AFF1: variants seen among roughly 807,000 people sequenced by gnomAD.
The protein encoded by AFF1 is ALF transcription elongation factor 1.
Under a neutral mutation model 121.7 loss-of-function variants are expected in AFF1, and 48 were observed. That is an observed-to-expected ratio of 0.39 (90% CI 0.31 to 0.50). AFF1 has a LOEUF of 0.50. Among genes scored for constraint, AFF1 ranks in the 20% least tolerant of loss-of-function variants. The pLI is 0.76. For missense variants in AFF1, 1,523 were observed against 1,511.7 expected (o/e 1.01, Z -0.12); for synonymous variants, 613 against 563.0 (o/e 1.09, Z -1.26).
At chr4:86,952,552 G>A (rs939728517) in intron 2 of AFF1, among the ~76,000 whole-genome samples, 16 of 152,058 alleles carry the variant, frequency 1.1e-4, no homozygotes, top group African/African-American at 3.6e-4. Context: ...ACCACAGCAT[G>A]TGTATACAAC....
intron 2 of AFF1, among the ~76,000 whole-genome samples, chr4:87,040,154 CA>C (rs1729992136): frequency 1.3e-5 from 2 of 152,300 alleles, no homozygotes; most frequent in East Asian, 3.9e-4. Flanking sequence ...CTCGGCCTCC[CA>C]AAGTGCTGGG....
intron 2 of AFF1, among the ~76,000 whole-genome samples, chr4:87,044,837 A>G (rs1202348121): frequency 6.6e-6 from 1 of 152,210 alleles, no homozygotes; most frequent in African/African-American, 2.4e-5. Context: ...AGTAGAATGC[A>G]TGTGACAGGC....
chr4:87,100,062 G>C (rs1272995711), intron 8 of AFF1, among the ~76,000 whole-genome samples: 1 of 152,082 alleles, frequency 6.6e-6, no homozygotes, highest in Non-Finnish European at 1.5e-5. Flanking sequence ...ACCTGGATTT[G>C]GGGAGCCCTT....
intron 6 of AFF1, among the ~76,000 whole-genome samples, chr4:87,091,066 A>G (rs372741453): frequency 7.3e-5 from 11 of 151,606 alleles, no homozygotes; most frequent in African/African-American, 1.9e-4. Flanking sequence ...CAAAAACTCA[A>G]ATTTGCTACT....
intron 8 of AFF1, among the ~76,000 whole-genome samples, chr4:87,095,293 A>G (rs1724722229): frequency 6.6e-6 from 1 of 152,018 alleles, no homozygotes; most frequent in Non-Finnish European, 1.5e-5. Context: ...TAATTTTTGT[A>G]TTTTTAGTGT....
chr4:87,132,995 C>G (rs1221108734), intron 19 of AFF1, among the ~76,000 whole-genome samples: 3 of 152,184 alleles, frequency 2.0e-5, no homozygotes, highest in African/African-American at 4.8e-5. Flanking sequence ...CGCACCTGGC[C>G]GAGCTTTGAG....
intron 4 of AFF1, among the ~76,000 whole-genome samples, chr4:87,052,172 C>T (rs1405502403): frequency 7.2e-5 from 11 of 152,106 alleles, no homozygotes; most frequent in Admixed American, 7.2e-4. Flanking sequence ...CATTGGGAGG[C>T]CGAGGTGGGA....
intron 2 of AFF1, among the ~76,000 whole-genome samples, chr4:86,957,010 T>C (rs1721790115): frequency 6.6e-6 from 1 of 152,206 alleles, no homozygotes; most frequent in South Asian, 2.1e-4. Context: ...GCATGTACTT[T>C]TTCTCTGTCT....
chr4:87,080,774 C>T (rs1466642632), intron 4 of AFF1, among the ~76,000 whole-genome samples: 1 of 152,212 alleles, frequency 6.6e-6, no homozygotes, highest in Non-Finnish European at 1.5e-5. Context: ...TGAGACGAGG[C>T]AGCCTGTCCT....
At chr4:87,100,320 C>A (rs990156574) in intron 8 of AFF1, among the ~76,000 whole-genome samples, 1 of 152,106 alleles carries the variant, frequency 6.6e-6, no homozygotes, top group Non-Finnish European at 1.5e-5. Flanking sequence ...CCTCCAAGAA[C>A]CTCCATAACC....
Position 87,139,637 on chromosome 4 carries a change from T to TA in AFF1, c.*3936_*3937insA, listed in dbSNP as rs1389316029. ...AGTACCTTTTTTCCCCTCCTGTTCT[T>TA]GAGCCAGTTGTCTCTTTTGTTTTGG... On this transcript the variant is annotated 3_prime_UTR_variant, in exon 21 of 21. Coordinates refer to ENST00000395146, the MANE Select transcript of AFF1 (RefSeq NM_001166693.3). 4.4e-6 allele frequency: 1 copy of TA among 229,376 alleles called. No homozygotes were observed. The highest frequency in any genetic ancestry group is 8.6e-6 in the Non-Finnish European group (1 of 115,652). 14.2% of individuals were successfully genotyped at this position (229,376 alleles called of 1,614,324 possible). A position where few individuals can be genotyped will look rare whatever the true frequency, so the allele number is the denominator to read the frequency against.
At chr4:87,030,464 A>G (rs997825478) in intron 2 of AFF1, among the ~76,000 whole-genome samples, 1 of 152,208 alleles carries the variant, frequency 6.6e-6, no homozygotes, top group Non-Finnish European at 1.5e-5. Flanking sequence ...TAAAGTTGAA[A>G]TTTAAAGATT....
At chr4:87,092,166 C>G (rs371827961) in intron 7 of AFF1, among the ~76,000 whole-genome samples, 1 of 152,018 alleles carries the variant, frequency 6.6e-6, no homozygotes, top group East Asian at 1.9e-4. Flanking sequence ...GCCTGTGGTC[C>G]CAGCTACTTG....
chr4:87,055,805 C>T (rs2149637611), intron 4 of AFF1, among the ~76,000 whole-genome samples: 1 of 152,280 alleles, frequency 6.6e-6, no homozygotes, highest in Admixed American at 6.5e-5. Flanking sequence ...AGAGAGGATC[C>T]TGGTTCATGT....
At chr4:87,091,129 G>T (rs923325657) in intron 6 of AFF1, among the ~76,000 whole-genome samples, 1 of 151,936 alleles carries the variant, frequency 6.6e-6, no homozygotes, top group Non-Finnish European at 1.5e-5. Context: ...CATGGACCGG[G>T]CATGGTGGCT....
intron 2 of AFF1, among the ~76,000 whole-genome samples, chr4:87,041,440 G>T (rs1267479318): frequency 6.6e-6 from 1 of 152,148 alleles, no homozygotes. Flanking sequence ...TACAAGCCTT[G>T]GGGCCCATGT....
At chr4:87,019,892 G>GGGGT (rs1553918056) in intron 2 of AFF1, among the ~76,000 whole-genome samples, 5 of 142,058 alleles carry the variant, frequency 3.5e-5, no homozygotes, top group African/African-American at 1.3e-4. Context: ...GTCGGGGGGG[G>GGGGT]GCAGTCTTGG....
chr4:86,960,195 G>T (rs1722047676), intron 2 of AFF1, among the ~76,000 whole-genome samples: 3 of 152,186 alleles, frequency 2.0e-5, no homozygotes, highest in East Asian at 1.9e-4. Context: ...CACTGGAAAA[G>T]ATCTTTCTTT....
chr4:87,070,420 A>T (rs1304070963), intron 4 of AFF1, among the ~76,000 whole-genome samples: 1 of 152,260 alleles, frequency 6.6e-6, no homozygotes, highest in Non-Finnish European at 1.5e-5. Flanking sequence ...TACAGGCGTG[A>T]GCCACCATGC....
Sources: allele counts gnomAD v4.1 joint callset (sites outside exome capture counted in the v4.1 genomes callset), GRCh38; gene constraint gnomAD v4.1.1; transcripts MANE v1.5; gene names NCBI Gene and HGNC (gene_info 2026-07-23, HGNC 2026-07-21).